Variants in SLCO2A1 observed in about 807,000 individuals in gnomAD.
The protein encoded by SLCO2A1 is matrin F/G 1.
Under a neutral mutation model 71.7 loss-of-function variants are expected in SLCO2A1, and 60 were observed. The observed-to-expected ratio is 0.84, with a 90% confidence interval of 0.68 to 1.04. The LOEUF (loss-of-function observed/expected upper bound fraction) is 1.04, where lower values mean the gene tolerates loss of function less well. SLCO2A1 is among the 50% of genes least tolerant of loss of function. The pLI is 0.00. For synonymous variants in SLCO2A1, 308 were observed against 326.7 expected (o/e 0.94, Z 0.62); for missense variants, 745 against 813.4 (o/e 0.92, Z 1.02).
intron 2 of SLCO2A1, among the ~76,000 whole-genome samples, chr3:133,978,978 C>T (rs56862171): frequency 0.062 from 9,388 of 152,276 alleles, 460 homozygotes; most frequent in African/African-American, 0.14. Context: ...AGAGCTCTGG[C>T]TCTTGTGGCC....
At chr3:133,998,358 T>C (rs13067921) in intron 1 of SLCO2A1, among the ~76,000 whole-genome samples, 109,757 of 152,148 alleles carry the variant, frequency 0.72, 39,896 homozygotes, top group Non-Finnish European at 0.77. Flanking sequence ...TGGAGACAGA[T>C]GTGGGGACAG....
chr3:134,013,896 C>T (rs892278041), intron 1 of SLCO2A1, among the ~76,000 whole-genome samples: 1 of 152,114 alleles, frequency 6.6e-6, no homozygotes, highest in African/African-American at 2.4e-5. Flanking sequence ...GACATCTCCC[C>T]TCACGCACCT....
At chr3:133,997,920 A>G (rs1029357710) in intron 1 of SLCO2A1, among the ~76,000 whole-genome samples, 5 of 152,226 alleles carry the variant, frequency 3.3e-5, no homozygotes, top group Non-Finnish European at 5.9e-5. Context: ...TGAGGTGGTG[A>G]TAACAGTAGT....
chr3:133,955,815 CG>C (rs374874422), intron 3 of SLCO2A1, among the ~76,000 whole-genome samples: 41 of 152,322 alleles, frequency 2.7e-4, no homozygotes, highest in African/African-American at 9.1e-4. Flanking sequence ...CTTACCGTTC[CG>C]GGGAAGCTCC....
chr3:133,974,998 T>A (rs1188038329), intron 2 of SLCO2A1, among the ~76,000 whole-genome samples: 1 of 152,216 alleles, frequency 6.6e-6, no homozygotes, highest in East Asian at 1.9e-4. Flanking sequence ...TGACCATTTC[T>A]TTTTTCCTGA....
chr3:133,953,736 A>T lies in SLCO2A1; in HGVS notation c.651T>A (p.Phe217Leu). The T allele has an allele frequency of 6.2e-7, 1 of 1,614,178 alleles. No homozygotes were observed. Residue 217 changes from phenylalanine to leucine, a missense_variant, in exon 5 of 14, where the codon TTT becomes TTA. Physicochemically the swap from Phe to Leu is conservative, Grantham distance 22. Coordinates refer to ENST00000310926, the MANE Select transcript of SLCO2A1 (RefSeq NM_005630.3). Reference protein sequence around the residue: ...YISILFAISVFGPAFGYLLGS... With the variant: ...YISILFAISVLGPAFGYLLGS... ...CCAGCAGGTACCCGAAAGCCGGTCCAAATACAGAGATGGCAAATAAGATGG... is the reference window on the plus strand; with the variant it reads ...CCAGCAGGTACCCGAAAGCCGGTCCTAATACAGAGATGGCAAATAAGATGG...
chr3:133,990,028 C>T (rs1347858199), intron 1 of SLCO2A1, among the ~76,000 whole-genome samples: 2 of 152,224 alleles, frequency 1.3e-5, no homozygotes, highest in African/African-American at 4.8e-5. Context: ...CTTGTGTTTT[C>T]CGTGGGGTAA....
chr3:133,996,322 A>G (rs190780268), intron 1 of SLCO2A1, among the ~76,000 whole-genome samples: 2 of 152,310 alleles, frequency 1.3e-5, no homozygotes, highest in East Asian at 1.9e-4. Flanking sequence ...GGGGTCTAAG[A>G]ACAAAGCTTC....
intron 1 of SLCO2A1, among the ~76,000 whole-genome samples, chr3:133,989,102 C>T (rs1291893989): frequency 6.6e-6 from 1 of 152,158 alleles, no homozygotes; most frequent in African/African-American, 2.4e-5. Context: ...GGGACCTTCC[C>T]TTTATCTGCA....
chr3:134,029,891 G>T lies in SLCO2A1; in HGVS notation c.-89C>A. On this transcript the variant is annotated 5_prime_UTR_variant, in exon 1 of 14. Coordinates refer to ENST00000310926, the MANE Select transcript of SLCO2A1 (RefSeq NM_005630.3). ...CGGGCGGGTGAGAGGCGACCGCGGC[G>T]GCAGTGGCCGGAGGAGATTCGCGGA... 1 of 639,600 alleles carries T rather than the reference G, an allele frequency of 1.6e-6. No homozygotes were observed. Among genetic ancestry groups the T allele is most frequent in the Non-Finnish European group, 2.2e-6 (1 of 446,772 alleles). 39.6% of individuals were successfully genotyped at this position (639,600 alleles called of 1,614,324 possible).
Position 133,951,238 on chromosome 3 carries a change from G to GA in SLCO2A1, c.830dup (p.Phe278LeufsTer18), listed in dbSNP as rs751192029. On this transcript the variant is annotated frameshift_variant, in exon 6 of 14. Coordinates refer to ENST00000310926, the MANE Select transcript of SLCO2A1 (RefSeq NM_005630.3). LOFTEE classifies it high-confidence loss of function. ...CTCCTATGGGCATTGCTCGAGGGAA[G>GA]AAAAAAAAGGGGAAAGAGGTGAGAA... 6.8e-6 allele frequency: 11 copies of GA among 1,612,610 alleles called. No homozygotes were observed. The East Asian group carries it at 8.9e-5, about 13-fold the overall frequency.
chr3:133,979,724 G>T, intron 1 of SLCO2A1, 106 bp from the exon 2 acceptor site: 1 of 1,263,926 alleles, frequency 7.9e-7, no homozygotes, highest in Non-Finnish European at 1.1e-6. Flanking sequence ...TTCCTCGCCT[G>T]TTATCTAGGA....
At chr3:134,005,836 T>C (rs1935204425) in intron 1 of SLCO2A1, among the ~76,000 whole-genome samples, 1 of 152,166 alleles carries the variant, frequency 6.6e-6, no homozygotes, top group Non-Finnish European at 1.5e-5. Flanking sequence ...TATATTTATA[T>C]TGTGTTCCTA....
intron 1 of SLCO2A1, among the ~76,000 whole-genome samples, chr3:134,005,197 G>A (rs1311420401): frequency 1.3e-5 from 2 of 152,082 alleles, no homozygotes; most frequent in Non-Finnish European, 2.9e-5. Context: ...TTCGTCCCTC[G>A]TCAGTTTTAG....
intron 1 of SLCO2A1, among the ~76,000 whole-genome samples, chr3:133,987,843 G>T (rs995576136): frequency 2.6e-5 from 4 of 152,322 alleles, no homozygotes; most frequent in Non-Finnish European, 5.9e-5. Flanking sequence ...CACAGCCGGT[G>T]ACCTCTCAGT....
chr3:134,014,027 A>G (rs1935391995), intron 1 of SLCO2A1, among the ~76,000 whole-genome samples: 1 of 152,076 alleles, frequency 6.6e-6, no homozygotes, highest in Non-Finnish European at 1.5e-5. Flanking sequence ...ATTTTAACTG[A>G]GGCTGTCTGT....
At chr3:133,938,324 A>G (rs543015353) in intron 12 of SLCO2A1, 105 bp downstream of exon 12, 2 of 982,924 alleles carry the variant, frequency 2.0e-6, no homozygotes, top group African/African-American at 1.6e-5. Flanking sequence ...TCTCTTCGCC[A>G]TGGAGATGAG....
intron 1 of SLCO2A1, among the ~76,000 whole-genome samples, chr3:133,993,254 G>A (rs961050838): frequency 2.6e-5 from 4 of 152,266 alleles, no homozygotes; most frequent in Non-Finnish European, 5.9e-5. Flanking sequence ...CAGTTCCCGT[G>A]CACTCCAGTT....
chr3:133,942,449 T>TC, intron 11 of SLCO2A1, 156 bp downstream of exon 11: 1 of 773,686 alleles, frequency 1.3e-6, no homozygotes, highest in Non-Finnish European at 2.0e-6. Context: ...TAGTATTATT[T>TC]CCCCTCAGCA....
Sources: allele counts gnomAD v4.1 joint callset (sites outside exome capture counted in the v4.1 genomes callset), GRCh38; gene constraint gnomAD v4.1.1; transcripts MANE v1.5; gene names NCBI Gene and HGNC (gene_info 2026-07-23, HGNC 2026-07-21).